HIP1: variants seen among roughly 807,000 people sequenced by gnomAD.
The protein encoded by HIP1 is huntingtin interacting protein 1.
Under a neutral mutation model 147.6 loss-of-function variants are expected in HIP1, and 65 were observed. The observed-to-expected ratio is 0.44, with a 90% confidence interval of 0.36 to 0.54. The LOEUF is 0.54. HIP1 is among the 20% of genes least tolerant of loss of function. The pLI is 0.00. For synonymous variants in HIP1, 479 were observed against 504.0 expected, an observed-to-expected ratio of 0.95 and a Z score of 0.67; for missense variants, 1,061 against 1,299.6, an observed-to-expected ratio of 0.82 and a Z score of 2.82.
rs1170644733 is a variant in HIP1, at chr7:75,545,278, C to T, written c.2560-90G>A. The T allele has an allele frequency of 6.6e-6, 5 of 758,942 alleles. No individual in the cohort carries two copies. In the Admixed American group the frequency reaches 1.1e-4, roughly 17 times the overall value. 47.0% of individuals were successfully genotyped at this position (758,942 alleles called of 1,614,324 possible). A position where few individuals can be genotyped will look rare whatever the true frequency, so the allele number is the denominator to read the frequency against. ...TATACATATATTATCCCAAATCATC[C>T]TCATAGTAACTCTGAGACATAAGCA... On this transcript the variant is annotated intron_variant, in intron 25 of 30. Transcript: ENST00000336926.
At chr7:75,634,277 A>G (rs1427048177) in intron 1 of HIP1, among the ~76,000 whole-genome samples, 1 of 151,598 alleles carries the variant, frequency 6.6e-6, no homozygotes. Flanking sequence ...AAAAACCAAC[A>G]AAAACAGATA....
At position 75,544,709 on chromosome 7, in the gene HIP1, C is replaced by T; in HGVS notation, c.2752G>A (p.Val918Met). Residue 918 changes from valine (V) to methionine (M), a missense_variant, in exon 27 of 31, where the codon GTG becomes ATG. Coordinates refer to ENST00000336926, the MANE Select transcript of HIP1 (RefSeq NM_005338.7). The stretch of plus-strand genomic sequence containing the variant: ...CCAGGTCCTACCTTGGATGCAGCCA[C>T]AAGCTGGGCTGTGCTAGCAGCAATT... ...HEIAASTAQL[V>M]AASKVKADKD... 1.2e-6 allele frequency: 2 copies of T among 1,611,494 alleles called. No homozygotes were observed. Among genetic ancestry groups the T allele is most frequent in the Non-Finnish European group, 1.7e-6 (2 of 1,177,604 alleles).
chr7:75,621,373 G>A (rs1797842542), intron 1 of HIP1, among the ~76,000 whole-genome samples: 1 of 152,296 alleles, frequency 6.6e-6, no homozygotes, highest in South Asian at 2.1e-4. Flanking sequence ...TCATGGTGAG[G>A]ACTGACCTTT....
At chr7:75,694,691 A>G (rs1457682127) in intron 1 of HIP1, among the ~76,000 whole-genome samples, 1 of 125,798 alleles carries the variant, frequency 7.9e-6, no homozygotes, top group Non-Finnish European at 1.7e-5. Context: ...TTTTTTTTTT[A>G]AAGAAATGGG....
chr7:75,645,169 C>T (rs1435855356), intron 1 of HIP1, among the ~76,000 whole-genome samples: 1 of 152,062 alleles, frequency 6.6e-6, no homozygotes, highest in Non-Finnish European at 1.5e-5. Context: ...GTACCAGGCA[C>T]TATGACAAGC....
chr7:75,601,502 A>G (rs1016767156), intron 1 of HIP1, among the ~76,000 whole-genome samples: 2 of 152,020 alleles, frequency 1.3e-5, no homozygotes, highest in Admixed American at 1.3e-4. Context: ...AGGCTGAGGC[A>G]GGAGAATTGC....
intron 1 of HIP1, among the ~76,000 whole-genome samples, chr7:75,682,500 T>A (rs1200134014): frequency 2.6e-5 from 4 of 151,228 alleles, no homozygotes; most frequent in Non-Finnish European, 5.9e-5. Flanking sequence ...GCTTAAGCCA[T>A]CCTTCTGCTT....
At chr7:75,694,249 T>G (rs1800557247) in intron 1 of HIP1, among the ~76,000 whole-genome samples, 1 of 152,026 alleles carries the variant, frequency 6.6e-6, no homozygotes, top group Non-Finnish European at 1.5e-5. Flanking sequence ...GATGCCTGTT[T>G]TTCCTCTTTG....
intron 2 of HIP1, among the ~76,000 whole-genome samples, chr7:75,596,666 A>G (rs587676596): frequency 3.3e-5 from 5 of 152,300 alleles, no homozygotes; most frequent in African/African-American, 1.2e-4. Context: ...GATTATAGGC[A>G]TGAGCCACCA....
chr7:75,643,023 C>T (rs782056435), intron 1 of HIP1, among the ~76,000 whole-genome samples: 6 of 152,160 alleles, frequency 3.9e-5, no homozygotes, highest in African/African-American at 7.2e-5. Flanking sequence ...AGTTCCTTGA[C>T]GTAATTCGTA....
At position 75,699,401 on chromosome 7, in the gene HIP1, CT is replaced by C. The variant is rs1295816927; in HGVS notation, c.120+39399del. ...TGAACTTGTTTATTAATTCTAAGAC[CT>C]TTTTTCCATCGATCTCCTGGGTTTT... On this transcript the variant is annotated intron_variant, in intron 1 of 30. Transcript: ENST00000336926. 2.0e-5 allele frequency among the ~76,000 whole-genome samples: 3 copies of C among 152,256 alleles called. No homozygotes were observed. In the East Asian group the frequency reaches 5.8e-4, roughly 29 times the overall value.
chr7:75,686,532 C>T (rs1554517605), intron 1 of HIP1, among the ~76,000 whole-genome samples: 1 of 152,134 alleles, frequency 6.6e-6, no homozygotes, highest in African/African-American at 2.4e-5. Context: ...ACAAGGATGT[C>T]AGCGCAGGGA....
intron 1 of HIP1, among the ~76,000 whole-genome samples, chr7:75,702,614 T>G (rs1445469264): frequency 6.6e-6 from 1 of 152,210 alleles, no homozygotes. Context: ...AGAAGCATGG[T>G]GCCTGCATCT....
chr7:75,722,288 C>T (rs782337454), intron 1 of HIP1, among the ~76,000 whole-genome samples: 36 of 152,142 alleles, frequency 2.4e-4, no homozygotes, highest in Middle Eastern at 6.8e-3. Flanking sequence ...CCAGCCTGGA[C>T]GACATAGTGA....
chr7:75,727,187 T>G (rs1487562964), intron 1 of HIP1, among the ~76,000 whole-genome samples: 1 of 152,178 alleles, frequency 6.6e-6, no homozygotes, highest in African/African-American at 2.4e-5. Flanking sequence ...CATGGCTCAC[T>G]GCAGCCTTGA....
intron 1 of HIP1, among the ~76,000 whole-genome samples, chr7:75,649,633 T>C (rs1554511643): frequency 6.6e-6 from 1 of 152,136 alleles, no homozygotes; most frequent in Admixed American, 6.5e-5. Context: ...GGGATCAGCC[T>C]GGGCATCAGA....
At chr7:75,563,394 T>C (rs936604919) in intron 9 of HIP1, 131 bp from the exon 10 acceptor site, 96 of 705,372 alleles carry the variant, frequency 1.4e-4, no homozygotes, top group Admixed American at 3.0e-4. Flanking sequence ...ATAAACTCCA[T>C]GGTGCTGGGA....
intron 1 of HIP1, among the ~76,000 whole-genome samples, chr7:75,695,722 G>C (rs1554518684): frequency 6.6e-6 from 1 of 151,932 alleles, no homozygotes; most frequent in African/African-American, 2.4e-5. Context: ...TTACAGGCAT[G>C]CACCACCACA....
intron 7 of HIP1, among the ~76,000 whole-genome samples, chr7:75,577,531 G>T (rs907957980): frequency 2.6e-5 from 4 of 152,170 alleles, no homozygotes; most frequent in Non-Finnish European, 4.4e-5. Context: ...GCTTCCTAAA[G>T]TGCTGGGTTT....
Sources: gnomAD v4.1 joint callset for allele counts (sites outside exome capture counted in the v4.1 genomes callset) on GRCh38, gnomAD v4.1.1 for gene constraint, MANE v1.5 for transcripts, NCBI Gene and HGNC (gene_info 2026-07-23, HGNC 2026-07-21) for gene names.